The following DOCK4 variants were observed in gnomAD, a reference collection of about 807,000 sequenced individuals.
The protein encoded by DOCK4 is dedicator of cytokinesis 4, also known as dedicator of cytokinesis protein 4.
In DOCK4, 97 loss-of-function variants were observed where a neutral mutation model predicts 268.1. The observed-to-expected ratio is 0.36, with a 90% CI of 0.31 to 0.43. The LOEUF is 0.43. Ranked by LOEUF, DOCK4 falls within the 20% of genes least tolerant of loss-of-function variation. DOCK4 has a pLI of 1.00. For synonymous variants in DOCK4, 954 were observed against 887.2 expected (o/e 1.08, Z -1.34); for missense variants, 2,145 against 2,455.7 (o/e 0.87, Z 2.67).
chr7:112,030,528 A>G (rs1326130817), intron 1 of DOCK4, among the ~76,000 whole-genome samples: 1 of 152,154 alleles, frequency 6.6e-6, no homozygotes, highest in Non-Finnish European at 1.5e-5. Flanking sequence ...TCTAATAATT[A>G]TATTTATTTC....
intron 16 of DOCK4, among the ~76,000 whole-genome samples, chr7:111,893,400 G>A (rs1180108344): frequency 6.6e-6 from 1 of 152,214 alleles, no homozygotes; most frequent in East Asian, 1.9e-4. Context: ...ACAGGGTCCA[G>A]ATGGGATATA....
chr7:111,905,804 A>G (rs1791521939), intron 13 of DOCK4, among the ~76,000 whole-genome samples: 1 of 152,140 alleles, frequency 6.6e-6, no homozygotes, highest in African/African-American at 2.4e-5. Context: ...TTTTTTTAAA[A>G]AAGAAAATGT....
chr7:112,120,386 C>T (rs558507411), intron 1 of DOCK4, among the ~76,000 whole-genome samples: 16 of 152,146 alleles, frequency 1.1e-4, no homozygotes, highest in Admixed American at 3.3e-4. Context: ...AAAAGAAATC[C>T]GGTCTCAAAT....
chr7:111,870,335 T>C (rs1806318464), intron 20 of DOCK4, among the ~76,000 whole-genome samples: 1 of 149,740 alleles, frequency 6.7e-6, no homozygotes, highest in African/African-American at 2.5e-5. Context: ...TTTTTTTTTT[T>C]TTTTTTGAGA....
At chr7:111,767,190 A>T (rs1797815199) in intron 37 of DOCK4, 72 bp from the exon 38 acceptor site, 4 of 1,245,790 alleles carry the variant, frequency 3.2e-6, no homozygotes, top group African/African-American at 1.5e-5. Flanking sequence ...AAGTCAGAAC[A>T]TGAGTGCTTT....
intron 1 of DOCK4, among the ~76,000 whole-genome samples, chr7:112,031,875 T>C (rs1366240617): frequency 6.6e-6 from 1 of 152,162 alleles, no homozygotes; most frequent in African/African-American, 2.4e-5. Flanking sequence ...GAAAGATACA[T>C]GCACGGTACC....
chr7:112,097,834 A>C (rs551265401), intron 1 of DOCK4, among the ~76,000 whole-genome samples: 1 of 152,300 alleles, frequency 6.6e-6, no homozygotes, highest in South Asian at 2.1e-4. Context: ...CCCAATCCTA[A>C]CAGAGTTTAG....
At chr7:112,039,721 C>A (rs1804187555) in intron 1 of DOCK4, among the ~76,000 whole-genome samples, 2 of 148,894 alleles carry the variant, frequency 1.3e-5, no homozygotes, top group African/African-American at 4.9e-5. Context: ...GAGTTTTTCT[C>A]AAAAAAAAAA....
intron 1 of DOCK4, among the ~76,000 whole-genome samples, chr7:112,023,233 G>C (rs1363090165): frequency 6.6e-6 from 1 of 152,156 alleles, no homozygotes; most frequent in Non-Finnish European, 1.5e-5. Context: ...CAGCTGAGAA[G>C]CCTTTTCTAC....
At chr7:111,848,660 G>T (rs1056309483) in intron 23 of DOCK4, among the ~76,000 whole-genome samples, 1 of 152,064 alleles carries the variant, frequency 6.6e-6, no homozygotes, top group East Asian at 1.9e-4. Flanking sequence ...GGTCTGGGGC[G>T]GGGACTCTAA....
chr7:111,731,067 T>C (rs1181711061), intron 52 of DOCK4, among the ~76,000 whole-genome samples: 3 of 152,218 alleles, frequency 2.0e-5, no homozygotes, highest in Non-Finnish European at 4.4e-5. Flanking sequence ...TGCTTTCCTT[T>C]CTATCACATC....
At chr7:111,744,063 C>A (rs987940229) in intron 44 of DOCK4, among the ~76,000 whole-genome samples, 1 of 152,158 alleles carries the variant, frequency 6.6e-6, no homozygotes, top group African/African-American at 2.4e-5. Context: ...AGATGATACT[C>A]CTACCTCAAC....
intron 43 of DOCK4, 28 bp from the exon 44 acceptor site, chr7:111,746,445 C>T (rs1796272211): frequency 6.6e-7 from 1 of 1,506,166 alleles, no homozygotes; most frequent in Non-Finnish European, 9.0e-7. Context: ...AATCAGTCTA[C>T]TTTAGTGGAG....
rs1383588841 is a variant in DOCK4 at position 111,747,362 on chromosome 7, G to A, written c.4498C>T (p.Gln1500Ter). The A allele has an allele frequency of 6.2e-7, 1 of 1,613,314 alleles. No individual in the cohort carries two copies. Among genetic ancestry groups the A allele is most frequent in the Non-Finnish European group, 8.5e-7 (1 of 1,179,748 alleles). ...TTAATATTCTGCATCTGTCTTGTCT[G>A]ACACTGACTAATCAGAGTCTTCAGC... ...QQLKTLISQC[Q>*]TRQMQNINPL... The change falls in exon 43 of 53, where the codon CAG (glutamine) becomes TAG (stop). Residue 1500 changes from glutamine to a stop codon, truncating the protein, a stop_gained. Coordinates refer to ENST00000428084, the MANE Select transcript of DOCK4 (RefSeq NM_001363540.2). LOFTEE classifies it high-confidence loss of function.
chr7:111,907,886 G>T (rs1015524574), intron 13 of DOCK4, among the ~76,000 whole-genome samples: 1 of 152,054 alleles, frequency 6.6e-6, no homozygotes, highest in African/African-American at 2.4e-5. Context: ...ACGCCACCAT[G>T]CCTGGCTAAT....
At chr7:111,976,272 TATATATATATA>T (rs1798193964) in intron 8 of DOCK4, among the ~76,000 whole-genome samples, 8 of 1,914 alleles carry the variant, frequency 4.2e-3, no homozygotes, top group African/African-American at 6.9e-3. Context: ...GTGTCTATTA[TATATATATATA>T]TATATATATA....
At chr7:112,066,695 A>ATGTATGTATGTATGTG (rs1563052170) in intron 1 of DOCK4, among the ~76,000 whole-genome samples, 1 of 11,728 alleles carries the variant, frequency 8.5e-5, no homozygotes, top group African/African-American at 1.9e-4. Context: ...ATATACATAT[A>ATGTATGTATGTATGTG]TATATATATA....
intron 30 of DOCK4, among the ~76,000 whole-genome samples, chr7:111,806,118 A>T (rs546107077): frequency 6.6e-6 from 1 of 152,312 alleles, no homozygotes; most frequent in South Asian, 2.1e-4. Flanking sequence ...ACTTAGTCAA[A>T]TTGAATTTAC....
intron 11 of DOCK4, among the ~76,000 whole-genome samples, chr7:111,938,727 T>G (rs1189975618): frequency 6.6e-6 from 1 of 152,174 alleles, no homozygotes; most frequent in Non-Finnish European, 1.5e-5. Context: ...GAATAAGACC[T>G]TATTTGAAAG....
Sources: gnomAD v4.1 joint callset for allele counts (sites outside exome capture counted in the v4.1 genomes callset) on GRCh38, gnomAD v4.1.1 for gene constraint, MANE v1.5 for transcripts, NCBI Gene and HGNC (gene_info 2026-07-23, HGNC 2026-07-21) for gene names.